The following NUP62 variants were observed in gnomAD, a reference collection of about 807,000 sequenced individuals.
NUP62 encodes the protein nucleoporin 62.
For missense variants in NUP62, 647 were observed against 689.4 expected, an observed-to-expected ratio of 0.94 and a Z score of 0.69; for synonymous variants, 305 against 303.4, an observed-to-expected ratio of 1.01 and a Z score of -0.05.
chr19:49,914,108 G>A (rs117400507), intron 2 of NUP62, among the ~76,000 whole-genome samples: 173 of 152,238 alleles, frequency 1.1e-3, no homozygotes, highest in Non-Finnish European at 2.1e-3. Context: ...CAGTACTTTC[G>A]GAGGCCAAGG....
chr19:49,913,125 C>CCGGG (rs2075519775), intron 2 of NUP62: 1 of 152,402 alleles, frequency 6.6e-6, no homozygotes. Flanking sequence ...GAAAGGATGG[C>CCGGG]GGGGGAGAGG....
intron 2 of NUP62, chr19:49,918,426 G>A (rs1152237): frequency 0.57 from 86,210 of 151,870 alleles, 24,700 homozygotes; most frequent in Non-Finnish European, 0.61. Flanking sequence ...ACCCCTATAT[G>A]TTCACCTCCA....
intron 2 of NUP62, among the ~76,000 whole-genome samples, chr19:49,923,292 C>A (rs1170373659): frequency 6.6e-6 from 1 of 152,198 alleles, no homozygotes; most frequent in Non-Finnish European, 1.5e-5. Flanking sequence ...CTGCGTGACC[C>A]AGTTACCCTC....
intron 2 of NUP62, among the ~76,000 whole-genome samples, chr19:49,924,223 C>T (rs1388330054): frequency 6.6e-6 from 1 of 152,120 alleles, no homozygotes; most frequent in African/African-American, 2.4e-5. Context: ...ATTTTCACAA[C>T]CCCCCTTACC....
chr19:49,928,347 C>T (rs1461041350), intron 1 of NUP62: 1 of 152,138 alleles, frequency 6.6e-6, no homozygotes, highest in Non-Finnish European at 1.5e-5. Flanking sequence ...GAAACCCCGT[C>T]TCTACTAAAA....
Position 49,907,548 on chromosome 19 carries a change from T to C in NUP62, c.*691A>G, listed in dbSNP as rs1208144260. 2.3e-5 allele frequency: 10 copies of C among 429,004 alleles called. No individual in the cohort carries two copies. Among genetic ancestry groups the C allele is most frequent in the South Asian group, 1.5e-4 (9 of 59,364 alleles). The allele number at this position is 429,004 out of a possible 1,614,324, so 26.6% of individuals were successfully genotyped here. A position where few individuals can be genotyped will look rare whatever the true frequency, so the allele number is the denominator to read the frequency against. On this transcript the variant is annotated 3_prime_UTR_variant, in exon 3 of 3. Coordinates refer to ENST00000352066, the MANE Select transcript of NUP62 (RefSeq NM_016553.5). ...TCTCCTGGGAGTTTCTTTTTTTTTTTTTTTTTTTTTGAGACAGAGTCTCTG... is the reference window on the plus strand; with the variant it reads ...TCTCCTGGGAGTTTCTTTTTTTTTTCTTTTTTTTTTGAGACAGAGTCTCTG...
intron 2 of NUP62, among the ~76,000 whole-genome samples, chr19:49,922,091 T>C (rs1162707959): frequency 6.6e-6 from 1 of 152,048 alleles, no homozygotes; most frequent in East Asian, 1.9e-4. Flanking sequence ...CAAACACCCC[T>C]CCTGACTCAG....
chr19:49,915,425 G>A (rs1350068042), intron 2 of NUP62, among the ~76,000 whole-genome samples: 1 of 152,218 alleles, frequency 6.6e-6, no homozygotes, highest in African/African-American at 2.4e-5. Context: ...AACACAGGCG[G>A]CTTCGGCCTC....
At chr19:49,926,016 C>T (rs2075877635) in intron 2 of NUP62, among the ~76,000 whole-genome samples, 1 of 151,908 alleles carries the variant, frequency 6.6e-6, no homozygotes, top group Non-Finnish European at 1.5e-5. Flanking sequence ...CGAGACCAGC[C>T]TGACCAACAT....
At chr19:49,910,964 C>G (rs1472294601) in intron 2 of NUP62, 4 of 152,252 alleles carry the variant, frequency 2.6e-5, no homozygotes, top group Non-Finnish European at 5.9e-5. Context: ...AATGCAGTGA[C>G]ATGATCACAA....
chr19:49,916,935 GT>G (rs1323404579), intron 2 of NUP62, among the ~76,000 whole-genome samples: 1 of 152,186 alleles, frequency 6.6e-6, no homozygotes, highest in Non-Finnish European at 1.5e-5. Flanking sequence ...AAATAAAAAA[GT>G]TCTGGGAGGC....
At chr19:49,919,422 G>A (rs1167677443) in intron 2 of NUP62, among the ~76,000 whole-genome samples, 21 of 152,302 alleles carry the variant, frequency 1.4e-4, no homozygotes, top group East Asian at 5.8e-4. Flanking sequence ...CTTAGAAATC[G>A]TTTTAAGCAG....
rs756928160 is a variant in NUP62 at position 49,909,734 on chromosome 19, GTTGCCGTCT to G, written c.65_73del (p.Lys22_Ala24del). The G allele has an allele frequency of 6.2e-7, 1 of 1,614,158 alleles. No individual in the cohort carries two copies. Among genetic ancestry groups the G allele is most frequent in the Non-Finnish European group, 8.5e-7 (1 of 1,180,032 alleles). On this transcript the variant is annotated inframe_deletion, in exon 3 of 3. Coordinates refer to ENST00000352066, the MANE Select transcript of NUP62 (RefSeq NM_016553.5). Reference sequence around the variant, plus strand: ...AGAAAACCCTGTAGCAGGTGTGGTTGTTGCCGTCTTTGCAGTGCCAAACGTGAACCCGCC... The same window carrying G: ...AGAAAACCCTGTAGCAGGTGTGGTTGTTGCAGTGCCAAACGTGAACCCGCC...
In NUP62 at chr19:49,908,802, G is replaced by C. The variant is rs781148765; in HGVS notation, c.1006C>G (p.Leu336Val). 11 of 1,613,674 alleles carry C rather than the reference G, an allele frequency of 6.8e-6. No individual in the cohort carries two copies. Among genetic ancestry groups the C allele is most frequent in the Non-Finnish European group, 9.3e-6 (11 of 1,180,042 alleles). The change falls in exon 3 of 3, where the codon CTG (leucine) becomes GTG (valine). Residue 336 changes from leucine to valine, a missense_variant. Transcript: ENST00000352066. ...SAMTYAQLES[L>V]INKWSLELED... Reference sequence around the variant, plus strand: ...AGCTCCAGGCTCCATTTGTTGATCAGGCTCTCCAGCTGCGCGTAGGTCATG... The same window carrying C: ...AGCTCCAGGCTCCATTTGTTGATCACGCTCTCCAGCTGCGCGTAGGTCATG...
Position 49,908,306 on chromosome 19 carries a change from T to A in NUP62, c.1502A>T (p.Glu501Val), listed in dbSNP as rs775625244. 1 of 1,613,866 alleles carries A rather than the reference T, an allele frequency of 6.2e-7. No individual in the cohort carries two copies. The highest frequency in any genetic ancestry group is 1.3e-5 in the African/African-American group (1 of 74,888). Residue 501 changes from glutamate to valine, a missense_variant, in exon 3 of 3, where the codon GAG (glutamate) becomes GTG (valine). Transcript: ENST00000352066. ...NSALLQRKVE[E>V]VTKVCEGRRK... ...CCGGCCCTCGCACACCTTGGTCACC[T>A]CCTCCACCTTCCTCTGCAGCAGGGC...
rs181524051 is a variant in NUP62 at position 49,917,448 on chromosome 19, T to C, written c.-77-7564A>G. On this transcript the variant is annotated intron_variant, in intron 2 of 2. Transcript: ENST00000352066. ...TTGAATAACAGATCAGCTCCAAGTC[T>C]GCCCTTCAAGAACTGAAGTCAACTG... 2.6e-4 allele frequency among the ~76,000 whole-genome samples: 39 copies of C among 152,374 alleles called. No homozygotes were observed. In the East Asian group the frequency reaches 7.1e-3, roughly 28 times the overall value.
intron 2 of NUP62, among the ~76,000 whole-genome samples, chr19:49,916,071 C>T (rs1269852687): frequency 6.6e-6 from 1 of 152,244 alleles, no homozygotes; most frequent in Non-Finnish European, 1.5e-5. Context: ...GAGCACTGCA[C>T]TGCAGCACAC....
At chr19:49,922,230 C>T (rs1230543776) in intron 2 of NUP62, among the ~76,000 whole-genome samples, 1 of 152,204 alleles carries the variant, frequency 6.6e-6, no homozygotes, top group Non-Finnish European at 1.5e-5. Flanking sequence ...AGCCCAAACG[C>T]CTCCTTATTG....
Position 49,909,176 on chromosome 19 carries a change from G to A in NUP62, c.632C>T (p.Thr211Ile). 6.2e-7 allele frequency: 1 copy of A among 1,613,598 alleles called. No individual in the cohort carries two copies. The highest frequency in any genetic ancestry group is 1.1e-5 in the South Asian group (1 of 91,064). Residue 211 changes from threonine to isoleucine, a missense_variant, in exon 3 of 3, where the codon ACA (threonine) becomes ATA (isoleucine). By Grantham distance (89) the Thr-to-Ile change is moderately conservative. Coordinates refer to ENST00000352066, the MANE Select transcript of NUP62 (RefSeq NM_016553.5). ...GGGCCCAGTGCTGGTGATGGTGGCT[G>A]TGGGTGTGGGAGCAGCTGGCTGTGT... ...GATQPAAPTP[T>I]ATITSTGPSL...
Sources: allele counts gnomAD v4.1 joint callset (sites outside exome capture counted in the v4.1 genomes callset), GRCh38; gene constraint gnomAD v4.1.1; transcripts MANE v1.5; gene names NCBI Gene and HGNC (gene_info 2026-07-23, HGNC 2026-07-21).